Variants in TOP2A observed in about 807,000 individuals in gnomAD.
TOP2A encodes the protein DNA topoisomerase 2-alpha.
A neutral mutation model predicts 187.2 loss-of-function variants in TOP2A; 68 were observed. The ratio of observed to expected loss-of-function variants is 0.36; its 90% CI spans 0.30 to 0.44. TOP2A has a LOEUF of 0.44. Ranked by LOEUF, TOP2A falls within the 20% of genes least tolerant of loss-of-function variation. TOP2A has a pLI of 1.00. For synonymous variants in TOP2A, 542 were observed against 593.2 expected, an observed-to-expected ratio of 0.91 and a Z score of 1.25; for missense variants, 1,196 against 1,808.7, an observed-to-expected ratio of 0.66 and a Z score of 6.14.
At chr17:40,400,807 C>T (rs904616786) in intron 21 of TOP2A, 43 bp downstream of exon 21, 2 of 1,594,364 alleles carry the variant, frequency 1.3e-6, no homozygotes, top group Non-Finnish European at 1.7e-6. Flanking sequence ...TCAACTGAAA[C>T]CCAAGGAAAA....
chr17:40,412,317 C>G (rs138255482), intron 7 of TOP2A, among the ~76,000 whole-genome samples: 58 of 152,330 alleles, frequency 3.8e-4, no homozygotes, highest in African/African-American at 1.3e-3. Flanking sequence ...ATACCATTCT[C>G]TTTTCAAGAA....
At chr17:40,417,710 G>T (rs2035410076) in intron 1 of TOP2A, 61 bp downstream of exon 1, 1 of 1,608,302 alleles carries the variant, frequency 6.2e-7, no homozygotes, top group Non-Finnish European at 8.5e-7. Context: ...CGTCACGGGC[G>T]GCCAGAGAGA....
At chr17:40,397,735 G>A (rs2035119386) in intron 27 of TOP2A, among the ~76,000 whole-genome samples, 1 of 150,350 alleles carries the variant, frequency 6.7e-6, no homozygotes, top group Admixed American at 6.6e-5. Context: ...ATGTCTGAAT[G>A]TCTGGGCAGT....
chr17:40,408,044 C>G lies in TOP2A; in HGVS notation c.1423G>C (p.Val475Leu). 6.2e-7 allele frequency: 1 copy of G among 1,613,754 alleles called. No individual in the cohort carries two copies. The highest frequency in any genetic ancestry group is 8.5e-7 in the Non-Finnish European group (1 of 1,179,716). Residue 475 changes from valine (V) to leucine (L), a missense_variant, in exon 12 of 35, where the codon GTG becomes CTG. This residue lies in a region of TOP2A where 252 missense variants were observed against 434.8 expected (regional missense o/e 0.58). Coordinates refer to ENST00000423485, the MANE Select transcript of TOP2A (RefSeq NM_001067.4). ...AKTLAVSGLG[V>L]VGRDKYGVFP... ...ACCCCATATTTGTCTCTCCCAACCA[C>G]ACCAAGGCCTGAAACAGCCAAAGTT...
chr17:40,392,523 C>A, intron 30 of TOP2A, 62 bp downstream of exon 30: 1 of 1,541,388 alleles, frequency 6.5e-7, no homozygotes, highest in South Asian at 1.3e-5. Flanking sequence ...GCAAAGTACC[C>A]TGAAGTATAT....
At chr17:40,408,262 T>C in intron 11 of TOP2A, 138 bp from the exon 12 acceptor site, 1 of 799,720 alleles carries the variant, frequency 1.3e-6, no homozygotes, top group East Asian at 2.7e-5. Context: ...AGGTAATAGA[T>C]CATAATATAA....
chr17:40,393,160 A>T (rs932291266), intron 29 of TOP2A, among the ~76,000 whole-genome samples: 7 of 152,008 alleles, frequency 4.6e-5, no homozygotes, highest in Non-Finnish European at 8.8e-5. Flanking sequence ...CATCTCTACA[A>T]AAAATACAGA....
intron 4 of TOP2A, among the ~76,000 whole-genome samples, chr17:40,414,113 A>G (rs1286980560): frequency 6.6e-6 from 1 of 152,138 alleles, no homozygotes; most frequent in East Asian, 1.9e-4. Flanking sequence ...AAAAAATACA[A>G]AATTTTAAAA....
In TOP2A at chr17:40,395,015, T is replaced by C. The variant is rs376846966; in HGVS notation, c.3811+434A>G. On this transcript the variant is annotated intron_variant, in intron 29 of 34. Transcript: ENST00000423485. ...TTAAAGAGGTCCAGGCCAGGGGCAGTGGCTCACGCCTGTAATCCCAGCACT... is the reference window on the plus strand; with the variant it reads ...TTAAAGAGGTCCAGGCCAGGGGCAGCGGCTCACGCCTGTAATCCCAGCACT... Among the ~76,000 whole-genome samples, 45 of 152,330 alleles carry C rather than the reference T, an allele frequency of 3.0e-4. No homozygotes were observed. In the South Asian group the frequency reaches 9.3e-3, roughly 32 times the overall value.
Position 40,396,317 on chromosome 17 carries a change from G to A in TOP2A, c.3686C>T (p.Ala1229Val), listed in dbSNP as rs887373978. 6.2e-7 allele frequency: 1 copy of A among 1,607,096 alleles called. No individual in the cohort carries two copies. Among genetic ancestry groups the A allele is most frequent in the Non-Finnish European group, 8.5e-7 (1 of 1,173,974 alleles). Residue 1229 changes from alanine (A) to valine (V), a missense_variant, in exon 28 of 35, where the codon GCA (alanine) becomes GTA (valine). By Grantham distance (64) the Ala-to-Val change is moderately conservative (BLOSUM62 0). This residue lies in a region of TOP2A where 374 missense variants were observed against 403.3 expected (regional missense o/e 0.93). Coordinates refer to ENST00000423485, the MANE Select transcript of TOP2A (RefSeq NM_001067.4). ...VIPRITIEMK[A>V]EAEKKNKKKI... ...CTTTTTATTTTTCTTTTCTGCCTCT[G>A]CTTTCATTTCTATGGTTATTCGTGG...
chr17:40,395,232 G>A (rs1050246110), intron 29 of TOP2A, among the ~76,000 whole-genome samples: 51 of 145,036 alleles, frequency 3.5e-4, no homozygotes, highest in Middle Eastern at 3.8e-3. Flanking sequence ...GCAGTGAGCC[G>A]AGATTGTGCT....
chr17:40,403,917 T>C (rs997377249), intron 19 of TOP2A, among the ~76,000 whole-genome samples: 2 of 152,228 alleles, frequency 1.3e-5, no homozygotes, highest in Non-Finnish European at 2.9e-5. Context: ...ATCACAAAGT[T>C]ATAATAAACA....
rs538311910 is a variant in TOP2A at position 40,414,582 on chromosome 17, C to T, written c.333-957G>A. Among the ~76,000 whole-genome samples, 46 of 152,220 alleles carry T rather than the reference C, an allele frequency of 3.0e-4. 2 individuals are homozygous for T. The South Asian group carries it at 6.6e-3, about 22-fold the overall frequency. On this transcript the variant is annotated intron_variant, in intron 4 of 34. Transcript: ENST00000423485. The stretch of plus-strand genomic sequence containing the variant: ...AAAACAGGCTGGGCGCAGTGGCTCA[C>T]GCCTGTAATCCCAGCAATCCCAGCA...
intron 4 of TOP2A, among the ~76,000 whole-genome samples, chr17:40,414,704 A>G (rs1567791281): frequency 6.6e-6 from 1 of 151,966 alleles, no homozygotes; most frequent in Middle Eastern, 3.4e-3. Flanking sequence ...AAAAAATACA[A>G]AATTAGCCAG....
intron 33 of TOP2A, 104 bp downstream of exon 33, chr17:40,391,402 C>G (rs2035020491): frequency 1.7e-6 from 2 of 1,143,968 alleles, no homozygotes; most frequent in Admixed American, 3.1e-5. Context: ...AACATTTAAT[C>G]TGTAATATCA....
At chr17:40,390,611 T>C (rs2035011765) in intron 33 of TOP2A, among the ~76,000 whole-genome samples, 1 of 151,816 alleles carries the variant, frequency 6.6e-6, no homozygotes, top group South Asian at 2.1e-4. Context: ...ATCAAAGTAT[T>C]CTTAAACATT....
intron 6 of TOP2A, 34 bp downstream of exon 6, chr17:40,413,161 T>C: frequency 6.8e-7 from 1 of 1,472,460 alleles, no homozygotes. Flanking sequence ...CTACTACCAT[T>C]TATCATTAAG....
chr17:40,416,687 A>G (rs1030523567), intron 2 of TOP2A, 53 bp downstream of exon 2: 1 of 1,576,822 alleles, frequency 6.3e-7, no homozygotes, highest in Non-Finnish European at 8.6e-7. Context: ...TACAGAAAGA[A>G]GAGTATCCAT....
chr17:40,403,082 T>A, intron 19 of TOP2A, 28 bp from the exon 20 acceptor site: 1 of 1,570,584 alleles, frequency 6.4e-7, no homozygotes. Flanking sequence ...TTCATTAAGC[T>A]GAGGCTTTTA....
Sources: gnomAD v4.1 joint callset for allele counts (sites outside exome capture counted in the v4.1 genomes callset) on GRCh38, gnomAD v4.1.1 for gene constraint, gnomAD v4.1.1 regional missense constraint, MANE v1.5 for transcripts, NCBI Gene and HGNC (gene_info 2026-07-23, HGNC 2026-07-21) for gene names.